The following MEIS2 variants were observed in gnomAD, a reference collection of about 807,000 sequenced individuals.
MEIS2 encodes Meis homeobox 2.
MEIS2 carries 9 observed loss-of-function variants against 58.6 expected under a neutral mutation model. The observed-to-expected ratio is 0.15, with a 90% CI of 0.09 to 0.27. MEIS2 has a LOEUF of 0.27. MEIS2 is among the 10% of genes least tolerant of loss of function. The pLI is 1.00. For missense variants in MEIS2, 427 were observed against 635.0 expected (o/e 0.67, Z 3.52); for synonymous variants, 221 against 228.4 (o/e 0.97, Z 0.29).
chr15:37,011,381 T>C (rs964383070), intron 8 of MEIS2, among the ~76,000 whole-genome samples: 2 of 152,298 alleles, frequency 1.3e-5, no homozygotes, highest in Middle Eastern at 3.4e-3. Flanking sequence ...TAGTTAATTA[T>C]ACGCAGACAT....
At chr15:37,012,788 G>A (rs1341580143) in intron 8 of MEIS2, among the ~76,000 whole-genome samples, 1 of 151,984 alleles carries the variant, frequency 6.6e-6, no homozygotes, top group East Asian at 1.9e-4. Flanking sequence ...AATCTAATTT[G>A]GATTTGCAAG....
intron 8 of MEIS2, among the ~76,000 whole-genome samples, chr15:37,019,979 C>T (rs1021113062): frequency 1.3e-5 from 2 of 152,066 alleles, no homozygotes; most frequent in African/African-American, 4.8e-5. Flanking sequence ...GCCCCAGATC[C>T]GGGGAGCTCG....
intron 8 of MEIS2, among the ~76,000 whole-genome samples, chr15:36,997,320 T>G (rs561010445): frequency 6.6e-6 from 1 of 152,202 alleles, no homozygotes; most frequent in Non-Finnish European, 1.5e-5. Flanking sequence ...TAATTTTTAT[T>G]GTCTGCCCTC....
At chr15:37,094,650 G>A in intron 4 of MEIS2, 73 bp from the exon 5 acceptor site, 2 of 1,332,334 alleles carry the variant, frequency 1.5e-6, no homozygotes, top group African/African-American at 1.5e-5. Flanking sequence ...TGGGAGTGGG[G>A]TGAGGATGGT....
At chr15:37,067,148 G>A (rs1392272914) in intron 7 of MEIS2, among the ~76,000 whole-genome samples, 1 of 149,136 alleles carries the variant, frequency 6.7e-6, no homozygotes, top group African/African-American at 2.5e-5. Context: ...GGAGTGCAGT[G>A]GCATGATCTC....
intron 8 of MEIS2, among the ~76,000 whole-genome samples, chr15:36,977,700 G>A (rs2059803796): frequency 6.6e-6 from 1 of 152,178 alleles, no homozygotes; most frequent in South Asian, 2.1e-4. Flanking sequence ...AGCTGACACA[G>A]AAAGCAGGAG....
chr15:36,903,404 T>C (rs1359689065), intron 9 of MEIS2, among the ~76,000 whole-genome samples: 1 of 152,194 alleles, frequency 6.6e-6, no homozygotes, highest in African/African-American at 2.4e-5. Flanking sequence ...TAGACATAAG[T>C]TGTAGTATAT....
intron 7 of MEIS2, among the ~76,000 whole-genome samples, chr15:37,064,170 A>G (rs553614436): frequency 1.3e-5 from 2 of 152,308 alleles, no homozygotes; most frequent in South Asian, 4.1e-4. Context: ...AGATATCAAA[A>G]GAGAGAAAAT....
chr15:36,995,956 G>GATATATAT (rs539738718), intron 8 of MEIS2, among the ~76,000 whole-genome samples: 1 of 112,920 alleles, frequency 8.9e-6, no homozygotes, highest in Non-Finnish European at 1.7e-5. Context: ...TCTAGTCTGA[G>GATATATAT]ATATATATAT....
Sources: allele counts gnomAD v4.1 joint callset (sites outside exome capture counted in the v4.1 genomes callset), GRCh38; gene constraint gnomAD v4.1.1; transcripts MANE v1.5; gene names NCBI Gene and HGNC (gene_info 2026-07-23, HGNC 2026-07-21).